Variants in STPG2 observed in about 807,000 individuals in gnomAD.
STPG2 encodes the protein sperm-tail PG-rich repeat-containing protein 2.
In STPG2, 56 loss-of-function variants were observed where a neutral mutation model predicts 54.2. The ratio of observed to expected loss-of-function variants is 1.03; its 90% CI spans 0.83 to 1.29. The LOEUF is 1.29. Among genes scored for constraint, STPG2 ranks in the 50% most tolerant of loss-of-function variants. STPG2 has a pLI of 0.00. For missense variants in STPG2, 596 were observed against 544.9 expected, an observed-to-expected ratio of 1.09 and a Z score of -0.93; for synonymous variants, 200 against 181.8, an observed-to-expected ratio of 1.10 and a Z score of -0.81.
intron 10 of STPG2, among the ~76,000 whole-genome samples, chr4:97,619,950 A>C (rs1237608596): frequency 6.6e-6 from 1 of 151,346 alleles, no homozygotes; most frequent in Non-Finnish European, 1.5e-5. Flanking sequence ...CAGCTTCCCG[A>C]GTAGCTGGGA....
chr4:98,106,695 T>C (rs1025704567), intron 4 of STPG2, among the ~76,000 whole-genome samples: 2 of 152,158 alleles, frequency 1.3e-5, no homozygotes, highest in African/African-American at 4.8e-5. Flanking sequence ...AATCTGGTGA[T>C]TGGAAACTGG....
intron 10 of STPG2, among the ~76,000 whole-genome samples, chr4:97,677,549 G>A (rs763314713): frequency 4.9e-4 from 75 of 152,132 alleles, no homozygotes; most frequent in Non-Finnish European, 7.5e-4. Context: ...GGTGGCTATG[G>A]ATCTCTAAGT....
intron 9 of STPG2, among the ~76,000 whole-genome samples, chr4:97,807,662 A>G (rs969328739): frequency 2.3e-4 from 35 of 151,548 alleles, no homozygotes; most frequent in South Asian, 4.2e-4. Flanking sequence ...TTGTAAGAGG[A>G]AAAAAAAGGA....
intron 10 of STPG2, among the ~76,000 whole-genome samples, chr4:97,626,937 G>C (rs140404879): frequency 0.023 from 3,541 of 151,978 alleles, 85 homozygotes; most frequent in Middle Eastern, 0.068. Flanking sequence ...TTGTCTATAG[G>C]TTCCTTTTTT....
At chr4:98,109,150 A>T in intron 4 of STPG2, 43 bp downstream of exon 4, 3 of 1,188,902 alleles carry the variant, frequency 2.5e-6, no homozygotes, top group Non-Finnish European at 3.5e-6. Flanking sequence ...ATACTTTTCT[A>T]GTCAAGAGCT....
rs185305676 is a variant in STPG2 at position 97,762,303 on chromosome 4, C to T, written c.1205-49489G>A. Among the ~76,000 whole-genome samples, 392 of 152,218 alleles carry T rather than the reference C, an allele frequency of 2.6e-3. 1 individual carries two copies. The highest frequency in any genetic ancestry group is 8.9e-3 in the African/African-American group (371 of 41,548). The stretch of plus-strand genomic sequence containing the variant: ...TCCTTTCTTAATAGAGCAGGATTAA[C>T]ACATTTGTCTTTTGAGATAAGGCAC... On this transcript the variant is annotated intron_variant, in intron 9 of 10. Coordinates refer to ENST00000295268, the MANE Select transcript of STPG2 (RefSeq NM_174952.3).
At chr4:97,541,083 C>G (rs1336089027) in intron 4 of STPG2, among the ~76,000 whole-genome samples, 1 of 152,130 alleles carries the variant, frequency 6.6e-6, no homozygotes, top group Non-Finnish European at 1.5e-5. Flanking sequence ...CTTCTCTCAA[C>G]ACTCCTATTC....
chr4:97,535,974 T>C (rs1440539943), intron 4 of STPG2, among the ~76,000 whole-genome samples: 1 of 152,098 alleles, frequency 6.6e-6, no homozygotes, highest in Non-Finnish European at 1.5e-5. Flanking sequence ...TTTTGAATTT[T>C]TTAGCTTTAG....
At chr4:97,540,249 G>T (rs1045570535) in intron 4 of STPG2, among the ~76,000 whole-genome samples, 3 of 152,070 alleles carry the variant, frequency 2.0e-5, no homozygotes, top group African/African-American at 7.2e-5. Context: ...AAGAAGAAAA[G>T]AGAGAAGAAT....
intron 9 of STPG2, among the ~76,000 whole-genome samples, chr4:97,768,486 C>CT (rs1393601595): frequency 6.6e-6 from 1 of 152,044 alleles, no homozygotes; most frequent in Non-Finnish European, 1.5e-5. Flanking sequence ...GCCACATATA[C>CT]TTATTTAATA....
At chr4:97,469,182 CT>C (rs1427269379) in intron 4 of STPG2, among the ~76,000 whole-genome samples, 4 of 152,050 alleles carry the variant, frequency 2.6e-5, no homozygotes, top group Non-Finnish European at 5.9e-5. Context: ...TAAAATCCAC[CT>C]GTTTATTGGC....
chr4:97,832,338 A>G (rs1728494288), intron 9 of STPG2, among the ~76,000 whole-genome samples: 1 of 152,198 alleles, frequency 6.6e-6, no homozygotes, highest in Non-Finnish European at 1.5e-5. Context: ...AACACTCTCC[A>G]TAAACTAGGT....
At chr4:97,835,885 C>T (rs1168171423) in intron 9 of STPG2, among the ~76,000 whole-genome samples, 1 of 151,946 alleles carries the variant, frequency 6.6e-6, no homozygotes. Context: ...ATGGTGGAAA[C>T]AGCAAAATAA....
intron 2 of STPG2, among the ~76,000 whole-genome samples, chr4:98,128,884 C>A (rs891010020): frequency 2.6e-5 from 4 of 152,008 alleles, no homozygotes; most frequent in Non-Finnish European, 5.9e-5. Context: ...CAGGCATGCA[C>A]CACTATGCTT....
At chr4:98,014,982 T>C (rs1735890481) in intron 5 of STPG2, among the ~76,000 whole-genome samples, 1 of 152,244 alleles carries the variant, frequency 6.6e-6, no homozygotes, top group African/African-American at 2.4e-5. Context: ...GACCATGTTA[T>C]GATTGTTCCC....
At chr4:98,131,254 A>C (rs1307955401) in intron 2 of STPG2, among the ~76,000 whole-genome samples, 1 of 152,072 alleles carries the variant, frequency 6.6e-6, no homozygotes, top group Non-Finnish European at 1.5e-5. Flanking sequence ...ACTAGTGAAC[A>C]CTGTATTATG....
intron 8 of STPG2, among the ~76,000 whole-genome samples, chr4:97,922,564 T>C (rs922966034): frequency 2.6e-5 from 4 of 152,188 alleles, no homozygotes; most frequent in African/African-American, 9.7e-5. Flanking sequence ...CAAATATGTA[T>C]AAAAATGCAC....
intron 5 of STPG2, among the ~76,000 whole-genome samples, chr4:98,023,495 G>C (rs1736302040): frequency 6.6e-6 from 1 of 152,212 alleles, no homozygotes; most frequent in Non-Finnish European, 1.5e-5. Flanking sequence ...ACCACTTGAG[G>C]AGACAGTCTG....
chr4:97,634,183 C>A (rs1476035676), intron 10 of STPG2, among the ~76,000 whole-genome samples: 3 of 152,070 alleles, frequency 2.0e-5, no homozygotes, highest in Non-Finnish European at 4.4e-5. Flanking sequence ...GGTCCCTGAC[C>A]CCTGACCCCC....
Sources: gnomAD v4.1 joint callset for allele counts (sites outside exome capture counted in the v4.1 genomes callset) on GRCh38, gnomAD v4.1.1 for gene constraint, MANE v1.5 for transcripts, NCBI Gene and HGNC (gene_info 2026-07-23, HGNC 2026-07-21) for gene names.